SNX30: variants seen among roughly 807,000 people sequenced by gnomAD.
SNX30 encodes the protein sorting nexin family member 30, also known as sorting nexin-30.
In SNX30, 24 loss-of-function variants were observed where a neutral mutation model predicts 46.4. That is an observed-to-expected ratio of 0.52 (90% CI 0.37 to 0.73). The LOEUF is 0.73. SNX30 is among the 30% of genes least tolerant of loss of function. The pLI is 0.00. For synonymous variants in SNX30, 189 were observed against 211.5 expected, an observed-to-expected ratio of 0.89 and a Z score of 0.92; for missense variants, 533 against 555.7, an observed-to-expected ratio of 0.96 and a Z score of 0.41.
intron 3 of SNX30, among the ~76,000 whole-genome samples, chr9:112,821,793 A>G (rs1393857816): frequency 1.4e-5 from 2 of 146,496 alleles, no homozygotes; most frequent in Non-Finnish European, 3.0e-5. Flanking sequence ...GCCCCATTAT[A>G]TGTATAAAAT....
At chr9:112,756,874 G>T (rs1262308068) in intron 1 of SNX30, among the ~76,000 whole-genome samples, 3 of 152,272 alleles carry the variant, frequency 2.0e-5, no homozygotes, top group East Asian at 3.9e-4. Context: ...ACATTTTATT[G>T]TGTTTATTTA....
At chr9:112,817,639 T>G in intron 2 of SNX30, 66 bp from the exon 3 acceptor site, 1 of 953,184 alleles carries the variant, frequency 1.0e-6, no homozygotes, top group Non-Finnish European at 1.7e-6. Flanking sequence ...AAGAGCTTTT[T>G]TCCTTCCCTT....
chr9:112,866,711 T>TTCCTCCCACCTCCTCAGAAC (rs1461489139), intron 8 of SNX30, among the ~76,000 whole-genome samples: 1 of 148,870 alleles, frequency 6.7e-6, no homozygotes, highest in Non-Finnish European at 1.5e-5. Context: ...CTCCTGGGAA[T>TTCCTCCCACCTCCTCAGAAC]TCCTCCCACC....
chr9:112,815,811 G>T (rs775460231), intron 2 of SNX30, among the ~76,000 whole-genome samples: 4 of 152,148 alleles, frequency 2.6e-5, no homozygotes, highest in Non-Finnish European at 4.4e-5. Flanking sequence ...AGCCTATCGG[G>T]GGGAGATGGG....
At chr9:112,775,915 A>G (rs1427327094) in intron 1 of SNX30, among the ~76,000 whole-genome samples, 2 of 150,446 alleles carry the variant, frequency 1.3e-5, no homozygotes, top group African/African-American at 4.9e-5. Context: ...TTGCCTCAAC[A>G]CTCTTCCTTC....
chr9:112,776,208 A>C (rs1214059518), intron 1 of SNX30, among the ~76,000 whole-genome samples: 1 of 151,944 alleles, frequency 6.6e-6, no homozygotes, highest in African/African-American at 2.4e-5. Flanking sequence ...GCACTTATGG[A>C]TATCTGAGTT....
chr9:112,866,545 C>T (rs1367756390), intron 8 of SNX30: 8 of 470,388 alleles, frequency 1.7e-5, no homozygotes, highest in Non-Finnish European at 3.1e-5. Context: ...GCCACAGACC[C>T]CAGATCATCT....
rs934471251 is a variant in SNX30, at chr9:112,849,487, A to G, written c.1015-1372A>G. On this transcript the variant is annotated intron_variant, in intron 6 of 8. Coordinates refer to ENST00000374232, the MANE Select transcript of SNX30 (RefSeq NM_001012994.2). The stretch of plus-strand genomic sequence containing the variant: ...CCATTATAGCAGAAAGTTCCATTGA[A>G]CAGCACTGTAAATATTCCTACTCAA... Among the ~76,000 whole-genome samples the G allele has an allele frequency of 4.6e-5, 7 of 152,336 alleles. No individual in the cohort carries two copies. The East Asian group carries it at 1.3e-3, about 29-fold the overall frequency.
chr9:112,855,523 A>G (rs1841109366), intron 7 of SNX30, among the ~76,000 whole-genome samples: 1 of 152,176 alleles, frequency 6.6e-6, no homozygotes, highest in South Asian at 2.1e-4. Flanking sequence ...ACCCAGGGGA[A>G]GGAAGTGGCC....
At chr9:112,838,935 A>G (rs1840812827) in intron 6 of SNX30, among the ~76,000 whole-genome samples, 2 of 152,204 alleles carry the variant, frequency 1.3e-5, no homozygotes. Context: ...CTGAGAGTTC[A>G]AGAAGATATA....
chr9:112,770,451 A>G (rs1302665060), intron 1 of SNX30, among the ~76,000 whole-genome samples: 2 of 151,740 alleles, frequency 1.3e-5, no homozygotes, highest in Non-Finnish European at 2.9e-5. Context: ...GATTACAGGT[A>G]TGAGCCACCG....
intron 2 of SNX30, among the ~76,000 whole-genome samples, chr9:112,807,678 G>C (rs1423167749): frequency 6.6e-6 from 1 of 152,222 alleles, no homozygotes; most frequent in Non-Finnish European, 1.5e-5. Flanking sequence ...GCACAGCAGT[G>C]CTTGCCCACT....
At chr9:112,791,062 A>G (rs1435351131) in intron 1 of SNX30, among the ~76,000 whole-genome samples, 4 of 152,196 alleles carry the variant, frequency 2.6e-5, no homozygotes, top group African/African-American at 9.7e-5. Context: ...GTTATTGGAG[A>G]TAATTTACAG....
At chr9:112,781,426 A>G (rs1040103611) in intron 1 of SNX30, among the ~76,000 whole-genome samples, 7 of 152,192 alleles carry the variant, frequency 4.6e-5, no homozygotes, top group African/African-American at 1.7e-4. Flanking sequence ...TGACATAGAA[A>G]AAAAATTGCT....
chr9:112,862,404 T>G (rs969164549), intron 7 of SNX30, among the ~76,000 whole-genome samples: 2 of 152,186 alleles, frequency 1.3e-5, no homozygotes, highest in Non-Finnish European at 2.9e-5. Context: ...GTAAGGGAAC[T>G]GGCCTGTGCC....
intron 6 of SNX30, among the ~76,000 whole-genome samples, chr9:112,845,350 C>A (rs986358866): frequency 1.3e-5 from 2 of 152,182 alleles, no homozygotes; most frequent in African/African-American, 4.8e-5. Context: ...TGGTTTACAC[C>A]GCGGAACCCT....
chr9:112,879,984 T>C (rs1841558022), downstream of SNX30: 1 of 552,730 alleles, frequency 1.8e-6, no homozygotes, highest in African/African-American at 1.9e-5. Context: ...TCCCTGCAGC[T>C]GCTAGCTAAA....
chr9:112,750,782 C>G lies in SNX30; in HGVS notation c.-220C>G, dbSNP rs999795304. The G allele has an allele frequency of 6.7e-4, 115 of 172,218 alleles. No individual in the cohort carries two copies. Among genetic ancestry groups the G allele is most frequent in the Non-Finnish European group, 1.2e-3 (103 of 89,134 alleles). 10.7% of individuals were successfully genotyped at this position (172,218 alleles called of 1,614,324 possible). On this transcript the variant is annotated 5_prime_UTR_variant, in exon 1 of 9. Coordinates refer to ENST00000374232, the MANE Select transcript of SNX30 (RefSeq NM_001012994.2). ...GCCGCGGCCGTGCTGCCAGCGGACC[C>G]GCGGCGGGCTCGGGCGCGGAGCGGG... is the stretch of plus-strand genomic sequence containing the variant.
chr9:112,883,583 TATC>T (rs1182271192), downstream of SNX30, among the ~76,000 whole-genome samples: 1 of 152,076 alleles, frequency 6.6e-6, no homozygotes, highest in Non-Finnish European at 1.5e-5. Flanking sequence ...TTGCTGTTAT[TATC>T]ATTAAAAAAA....
Sources: allele counts gnomAD v4.1 joint callset (sites outside exome capture counted in the v4.1 genomes callset), GRCh38; gene constraint gnomAD v4.1.1; transcripts MANE v1.5; gene names NCBI Gene and HGNC (gene_info 2026-07-23, HGNC 2026-07-21).